The following LVRN variants were observed in gnomAD, a reference collection of about 807,000 sequenced individuals.
LVRN encodes laeverin.
Under a neutral mutation model 111.4 loss-of-function variants are expected in LVRN, and 99 were observed. The observed-to-expected ratio is 0.89, with a 90% confidence interval of 0.76 to 1.05. LVRN has a LOEUF of 1.05. LVRN is among the 50% of genes least tolerant of loss of function. LVRN has a pLI of 0.00. For synonymous variants in LVRN, 488 were observed against 449.5 expected, an observed-to-expected ratio of 1.09 and a Z score of -1.08; for missense variants, 1,414 against 1,206.8, an observed-to-expected ratio of 1.17 and a Z score of -2.54.
chr5:115,981,202 G>T (rs2112568551), intron 1 of LVRN, among the ~76,000 whole-genome samples: 1 of 152,218 alleles, frequency 6.6e-6, no homozygotes, highest in Non-Finnish European at 1.5e-5. Context: ...CTCTGCCAAA[G>T]TACTTTATAT....
chr5:115,986,673 A>T (rs562246595), intron 3 of LVRN, among the ~76,000 whole-genome samples: 1 of 152,344 alleles, frequency 6.6e-6, no homozygotes, highest in East Asian at 1.9e-4. Context: ...CAAATTTCTC[A>T]TTAAGTAACA....
At chr5:115,982,222 C>T (rs1423899670) in intron 1 of LVRN, among the ~76,000 whole-genome samples, 1 of 152,124 alleles carries the variant, frequency 6.6e-6, no homozygotes, top group African/African-American at 2.4e-5. Flanking sequence ...ACGTGCCAAC[C>T]GTCCTATGTG....
At chr5:115,972,197 A>G (rs898895096) in intron 1 of LVRN, among the ~76,000 whole-genome samples, 15 of 152,058 alleles carry the variant, frequency 9.9e-5, no homozygotes, top group African/African-American at 3.4e-4. Context: ...AAAATGTAAA[A>G]CTTCTGCTCT....
intron 13 of LVRN, among the ~76,000 whole-genome samples, chr5:116,006,527 A>G (rs937590030): frequency 6.6e-6 from 1 of 152,068 alleles, no homozygotes; most frequent in Non-Finnish European, 1.5e-5. Context: ...TAAGATCACC[A>G]TGACTTTGCT....
At chr5:116,001,331 C>G (rs985143353) in intron 10 of LVRN, 92 bp downstream of exon 10, 21 of 1,396,762 alleles carry the variant, frequency 1.5e-5, no homozygotes, top group African/African-American at 1.3e-4. Flanking sequence ...AGCGTTACCC[C>G]CGCTGGGCAT....
chr5:115,991,206 C>A (rs780714071), intron 4 of LVRN, among the ~76,000 whole-genome samples: 16 of 152,140 alleles, frequency 1.1e-4, no homozygotes, highest in Non-Finnish European at 2.4e-4. Flanking sequence ...TTTATCCTCC[C>A]CTGCTTCCCC....
Position 115,987,944 on chromosome 5 carries a change from G to C in LVRN, c.1105+5G>C. On this transcript the variant is annotated splice_donor_5th_base_variant and intron_variant, in intron 4 of 19. Transcript: ENST00000357872. ...GTTACTCTCTTCCAAAAACAGGTGA[G>C]GTAATCTTTTCCTTTCAGTGCATTT... 1 of 1,607,274 alleles carries C rather than the reference G, an allele frequency of 6.2e-7. No homozygotes were observed. Among genetic ancestry groups the C allele is most frequent in the South Asian group, 1.1e-5 (1 of 89,604 alleles).
intron 1 of LVRN, among the ~76,000 whole-genome samples, chr5:115,965,465 A>C: frequency 6.6e-6 from 1 of 152,220 alleles, no homozygotes; most frequent in East Asian, 1.9e-4. Flanking sequence ...AGAATTAAAA[A>C]TTTTTAATGA....
intron 18 of LVRN, chr5:116,021,631 A>G (rs1382040708): frequency 5.3e-6 from 2 of 374,002 alleles, no homozygotes; most frequent in South Asian, 2.2e-5. Context: ...AATTGTATAT[A>G]TTAACTATTC....
intron 4 of LVRN, 48 bp downstream of exon 4, chr5:115,987,987 G>T (rs1160910491): frequency 6.3e-7 from 1 of 1,584,094 alleles, no homozygotes. Flanking sequence ...TGTTATTTGG[G>T]CCCTTGGTTG....
In LVRN at chr5:115,999,771, T is replaced by G; in HGVS notation, c.1384T>G (p.Phe462Val). The G allele has an allele frequency of 6.2e-7, 1 of 1,613,048 alleles. No individual in the cohort carries two copies. The highest frequency in any genetic ancestry group is 8.5e-7 in the Non-Finnish European group (1 of 1,179,536). ...ATCTTTTCCTTTATAGAATGAGATC[T>G]TTTTTTCTAACATTTTACATAATAT... ...FNPKLPRNEI[F>V]FSNILHNILR... Residue 462 changes from phenylalanine to valine, a missense_variant, in exon 7 of 20, where the codon TTT (phenylalanine) becomes GTT (valine). Transcript: ENST00000357872.
chr5:116,026,325 T>A lies in LVRN; in HGVS notation c.*207T>A. 1.6e-6 allele frequency: 1 copy of A among 626,850 alleles called. No individual in the cohort carries two copies. The highest frequency in any genetic ancestry group is 2.7e-6 in the Non-Finnish European group (1 of 376,054). The allele number at this position is 626,850 out of a possible 1,614,324, so 38.8% of individuals were successfully genotyped here. On this transcript the variant is annotated 3_prime_UTR_variant, in exon 20 of 20. Transcript: ENST00000357872. The stretch of plus-strand genomic sequence containing the variant: ...GACAATTTTGCCAATGCTGCTGTAT[T>A]TCTGGGAAAGATGTCACTTCATGTT...
chr5:115,979,529 G>A (rs1056962153), intron 1 of LVRN, among the ~76,000 whole-genome samples: 3 of 152,128 alleles, frequency 2.0e-5, no homozygotes, highest in African/African-American at 7.2e-5. Flanking sequence ...TAGCTGAGAA[G>A]CCCAACAGGC....
Position 115,963,174 on chromosome 5 carries a change from A to G in LVRN, c.557A>G (p.Glu186Gly). 3 of 1,612,984 alleles carry G rather than the reference A, an allele frequency of 1.9e-6. No individual in the cohort carries two copies. Among genetic ancestry groups the G allele is most frequent in the Non-Finnish European group, 2.5e-6 (3 of 1,179,800 alleles). Residue 186 changes from glutamate (E) to glycine (G), a missense_variant, in exon 1 of 20, where the codon GAA becomes GGA. Transcript: ENST00000357872. ...VDDVWFALDTEYMVLELSEPL... is the reference protein window; with the variant it reads ...VDDVWFALDTGYMVLELSEPL... ...GACGTGTGGTTCGCGCTGGACACGG[A>G]ATACATGGTGCTGGAGCTCAGTGAG...
At chr5:115,984,450 G>A in intron 2 of LVRN, 120 bp from the exon 3 acceptor site, 1 of 1,246,306 alleles carries the variant, frequency 8.0e-7, no homozygotes, top group Non-Finnish European at 1.1e-6. Context: ...AATCTGAACT[G>A]CTAGACTATG....
chr5:115,964,413 T>C (rs1189512426), intron 1 of LVRN, among the ~76,000 whole-genome samples: 22 of 152,186 alleles, frequency 1.4e-4, no homozygotes, highest in Admixed American at 1.2e-3. Context: ...TAACTTTTGT[T>C]TTTAAGGGCA....
At position 115,962,834 on chromosome 5, in the gene LVRN, A is replaced by C. The variant is rs775202450; in HGVS notation, c.217A>C (p.Ser73Arg). Residue 73 changes from serine (S) to arginine (R), a missense_variant, in exon 1 of 20, where the codon AGC (serine) becomes CGC (arginine). By Grantham distance (110) the Ser-to-Arg change is moderately radical. Coordinates refer to ENST00000357872, the MANE Select transcript of LVRN (RefSeq NM_173800.5). ...GAAGCCGACGCCAACCCCGAAACCC[A>C]GCAGTGCACGCGAGCTAGCGGTGAC... is the stretch of plus-strand genomic sequence containing the variant. ...RQKPTPTPKP[S>R]SARELAVTTT... 1 of 1,612,436 alleles carries C rather than the reference A, an allele frequency of 6.2e-7. No individual in the cohort carries two copies. Among genetic ancestry groups the C allele is most frequent in the East Asian group, 2.2e-5 (1 of 44,808 alleles).
intron 3 of LVRN, among the ~76,000 whole-genome samples, chr5:115,986,576 C>T (rs1747870059): frequency 1.3e-5 from 2 of 152,186 alleles, no homozygotes; most frequent in African/African-American, 4.8e-5. Flanking sequence ...CATTTGGCTA[C>T]AGCTCAGCTT....
chr5:115,972,340 G>A (rs564640717), intron 1 of LVRN, among the ~76,000 whole-genome samples: 1 of 151,014 alleles, frequency 6.6e-6, no homozygotes, highest in Non-Finnish European at 1.5e-5. Flanking sequence ...TCATTCCTAG[G>A]TATTTTATAT....
Sources: allele counts gnomAD v4.1 joint callset (sites outside exome capture counted in the v4.1 genomes callset), GRCh38; gene constraint gnomAD v4.1.1; transcripts MANE v1.5; gene names NCBI Gene and HGNC (gene_info 2026-07-23, HGNC 2026-07-21).